Variants in INTS6 observed in about 807,000 individuals in gnomAD.
INTS6 encodes DEAD box protein.
A neutral mutation model predicts 104.9 loss-of-function variants in INTS6; 16 were observed. That is an observed-to-expected ratio of 0.15 (90% CI 0.10 to 0.23). The LOEUF is 0.23. Ranked by LOEUF, INTS6 falls within the 10% of genes least tolerant of loss-of-function variation. The probability of loss-of-function intolerance (pLI) is 1.00; values close to 1 mark genes in which losing one functional copy is unlikely to be tolerated. For missense variants in INTS6, 584 were observed against 1,062.8 expected (o/e 0.55, Z 6.26); for synonymous variants, 324 against 358.7 (o/e 0.90, Z 1.09).
At chr13:51,365,941 A>G in intron 17 of INTS6, 96 bp from the exon 18 acceptor site, 1 of 621,192 alleles carries the variant, frequency 1.6e-6, no homozygotes, top group Admixed American at 3.5e-5. Flanking sequence ...TTTTGGGAAG[A>G]TTTTTCAAAG....
intron 4 of INTS6, among the ~76,000 whole-genome samples, chr13:51,419,724 T>C (rs1445462298): frequency 1.3e-5 from 2 of 152,244 alleles, no homozygotes; most frequent in African/African-American, 4.8e-5. Flanking sequence ...AATAAGCATC[T>C]GTTCACTTTA....
At chr13:51,423,658 TAAA>T (rs907902368) in intron 4 of INTS6, among the ~76,000 whole-genome samples, 15 of 152,144 alleles carry the variant, frequency 9.9e-5, no homozygotes, top group Admixed American at 9.8e-4. Context: ...ATTATCCTAT[TAAA>T]AATATTCACA....
rs759935432 is a variant in INTS6 at position 51,378,389 on chromosome 13, T to C, written c.1452A>G (p.Ile484Met). The part of the protein sequence containing the change: ...VGKKVVQETG[I>M]KVRSRSHGLS... ...AACCATGTGATCGGCTCCGGACTTT[T>C]ATTCCAGTCTCCTGTACTACTTTTT... The change falls in exon 12 of 18, where the codon ATA (isoleucine) becomes ATG (methionine). Residue 484 changes from isoleucine (I) to methionine (M), a missense_variant. By Grantham distance (10) the Ile-to-Met change is conservative. Transcript: ENST00000311234. The C allele has an allele frequency of 3.1e-6, 5 of 1,613,570 alleles. No individual in the cohort carries two copies. The highest frequency in any genetic ancestry group is 4.2e-6 in the Non-Finnish European group (5 of 1,179,540).
At chr13:51,366,195 A>G (rs948938156) in intron 17 of INTS6, among the ~76,000 whole-genome samples, 1 of 152,010 alleles carries the variant, frequency 6.6e-6, no homozygotes, top group Non-Finnish European at 1.5e-5. Flanking sequence ...GGGCTCCCCA[A>G]GCAAATACTT....
chr13:51,387,933 G>A (rs1956169812), intron 6 of INTS6, among the ~76,000 whole-genome samples: 1 of 152,078 alleles, frequency 6.6e-6, no homozygotes, highest in East Asian at 1.9e-4. Flanking sequence ...AACAGTGCCA[G>A]GCACACAATA....
intron 4 of INTS6, among the ~76,000 whole-genome samples, chr13:51,421,983 G>A (rs544361084): frequency 2.6e-5 from 4 of 151,836 alleles, no homozygotes; most frequent in East Asian, 1.9e-4. Context: ...CTGATTTAAC[G>A]CTTATTTATT....
chr13:51,341,318 T>C, the INTS6 span: 3 of 1,609,326 alleles, frequency 1.9e-6, no homozygotes, highest in South Asian at 1.1e-5. Context: ...GGTCAGCAGC[T>C]GGCAGATGCC....
At position 51,361,940 on chromosome 13, in the gene INTS6, C is replaced by G. The variant is rs1390789343; in HGVS notation, c.*3812G>C. ...GGATTCAGATAATTTATCAGTGTCTCTCTAGCAACAAGGGCTCATTTGTCC... is the reference window on the plus strand; with the variant it reads ...GGATTCAGATAATTTATCAGTGTCTGTCTAGCAACAAGGGCTCATTTGTCC... On this transcript the variant is annotated 3_prime_UTR_variant, in exon 18 of 18. Coordinates refer to ENST00000311234, the MANE Select transcript of INTS6 (RefSeq NM_012141.3). 6.2e-7 allele frequency: 1 copy of G among 1,611,786 alleles called. No homozygotes were observed. The highest frequency in any genetic ancestry group is 1.7e-5 in the Admixed American group (1 of 59,790).
At chr13:51,398,305 A>G (rs1956376037) in intron 4 of INTS6, among the ~76,000 whole-genome samples, 4 of 152,196 alleles carry the variant, frequency 2.6e-5, no homozygotes, top group African/African-American at 9.7e-5. Flanking sequence ...GGACTTTGAG[A>G]ATCAAGGAAA....
chr13:51,445,730 G>A (rs867943673), intron 3 of INTS6: 3 of 152,268 alleles, frequency 2.0e-5, no homozygotes, highest in South Asian at 4.1e-4. Flanking sequence ...TAAAGATGGG[G>A]AAAAAACATT....
chr13:51,347,099 G>C, the INTS6 span: 62 of 1,610,192 alleles, frequency 3.9e-5, no homozygotes, highest in African/African-American at 7.7e-4. Context: ...GCTTGTGCTT[G>C]TGAGCACCAT....
At chr13:51,431,610 T>C (rs1957091642) in intron 3 of INTS6, among the ~76,000 whole-genome samples, 1 of 152,166 alleles carries the variant, frequency 6.6e-6, no homozygotes, top group Non-Finnish European at 1.5e-5. Context: ...AATTCACAGT[T>C]AGTTATATGA....
At chr13:51,339,368 A>G in the INTS6 span, 1 of 152,264 alleles carries the variant, frequency 6.6e-6, no homozygotes, top group Non-Finnish European at 1.5e-5. Context: ...AAGCAAAGTT[A>G]TCAGTGGAAT....
Position 51,452,999 on chromosome 13 carries a change from G to T in INTS6, c.-474C>A. On this transcript the variant is annotated 5_prime_UTR_variant, in exon 1 of 18. Transcript: ENST00000311234. This position sits in a 1 kb window ranked among gnomAD's most constrained non-coding sequence, Gnocchi z 4.2. The stretch of plus-strand genomic sequence containing the variant: ...TCAGGGACTCCCTCCGCACCCCGGC[G>T]GTGTCACCACTTTCTCAGCCCCTCT... 2 of 1,007,634 alleles carry T rather than the reference G, an allele frequency of 2.0e-6. No homozygotes were observed. The highest frequency in any genetic ancestry group is 2.4e-6 in the Non-Finnish European group (2 of 843,456). 62.4% of individuals were successfully genotyped at this position (1,007,634 alleles called of 1,614,324 possible).
At chr13:51,383,236 TG>T in intron 9 of INTS6, 92 bp downstream of exon 9, 1 of 1,060,536 alleles carries the variant, frequency 9.4e-7, no homozygotes, top group Non-Finnish European at 1.3e-6. Flanking sequence ...ATATTTTCAT[TG>T]ATTTCCAGAA....
intron 15 of INTS6, among the ~76,000 whole-genome samples, chr13:51,372,867 A>G (rs1281433337): frequency 1.3e-5 from 2 of 152,166 alleles, no homozygotes. Flanking sequence ...CAATTATTTA[A>G]TAACATCAAA....
intron 4 of INTS6, among the ~76,000 whole-genome samples, chr13:51,419,461 C>T (rs1956856196): frequency 6.6e-6 from 1 of 152,182 alleles, no homozygotes. Context: ...TACTGAGGTA[C>T]ATACAGTTCT....
At chr13:51,367,433 T>C (rs1208943388) in intron 17 of INTS6, among the ~76,000 whole-genome samples, 1 of 151,976 alleles carries the variant, frequency 6.6e-6, no homozygotes, top group African/African-American at 2.4e-5. Context: ...CGTTTTCCCA[T>C]GTAAAAATAA....
At position 51,386,160 on chromosome 13, in the gene INTS6, T is replaced by C. The variant is rs1339366112; in HGVS notation, c.894+1226A>G. 7.2e-5 allele frequency among the ~76,000 whole-genome samples: 11 copies of C among 152,142 alleles called. 1 individual carries two copies. The highest frequency in any genetic ancestry group is 5.8e-4 in the East Asian group (3 of 5,198). On this transcript the variant is annotated intron_variant, in intron 7 of 17. Transcript: ENST00000311234. Reference sequence around the variant, plus strand: ...TTTCTCATACTATTTCCTTCTCCAATTGAAGTCCTACCTACCCTCTATGGC... The same window carrying C: ...TTTCTCATACTATTTCCTTCTCCAACTGAAGTCCTACCTACCCTCTATGGC...
Sources: allele counts gnomAD v4.1 joint callset (sites outside exome capture counted in the v4.1 genomes callset), GRCh38; gene constraint gnomAD v4.1.1; non-coding constraint Gnocchi (gnomAD v3.1); transcripts MANE v1.5; gene names NCBI Gene and HGNC (gene_info 2026-07-23, HGNC 2026-07-21).